COL19A1: variants seen among roughly 807,000 people sequenced by gnomAD.
COL19A1 encodes the protein collagen type XIX alpha 1 chain.
COL19A1 carries 159 observed loss-of-function variants against 190.2 expected under a neutral mutation model. The observed-to-expected ratio is 0.84, with a 90% CI of 0.73 to 0.95. The LOEUF (loss-of-function observed/expected upper bound fraction) is 0.95. Among genes scored for constraint, COL19A1 ranks in the 40% least tolerant of loss-of-function variants. The pLI, the probability that COL19A1 is intolerant of heterozygous loss-of-function variation, is 0.00. For synonymous variants in COL19A1, 509 were observed against 458.9 expected (o/e 1.11, Z -1.39); for missense variants, 1,418 against 1,431.9 (o/e 0.99, Z 0.16).
chr6:69,896,064 C>G (rs901162491), intron 2 of COL19A1, among the ~76,000 whole-genome samples: 1 of 152,060 alleles, frequency 6.6e-6, no homozygotes, highest in Non-Finnish European at 1.5e-5. Flanking sequence ...CTAAAGTGTA[C>G]TAATTTCCAT....
chr6:70,104,771 G>A (rs1783851588), intron 16 of COL19A1, among the ~76,000 whole-genome samples: 2 of 152,194 alleles, frequency 1.3e-5, no homozygotes, highest in African/African-American at 4.8e-5. Context: ...CTAAACCTAT[G>A]ATGCTGCTTT....
At chr6:70,114,118 T>G (rs1196318073) in intron 16 of COL19A1, among the ~76,000 whole-genome samples, 1 of 152,120 alleles carries the variant, frequency 6.6e-6, no homozygotes, top group East Asian at 1.9e-4. Context: ...CCCAAAGTGC[T>G]AGCATTGTGG....
intron 16 of COL19A1, among the ~76,000 whole-genome samples, chr6:70,111,442 C>A (rs539157310): frequency 1.2e-4 from 19 of 152,194 alleles, no homozygotes; most frequent in Non-Finnish European, 2.1e-4. Flanking sequence ...GTAGAAAGAC[C>A]CAAAGCAAAT....
intron 15 of COL19A1, among the ~76,000 whole-genome samples, chr6:70,081,474 C>T (rs1433534999): frequency 6.6e-6 from 1 of 151,930 alleles, no homozygotes; most frequent in African/African-American, 2.4e-5. Flanking sequence ...ACTTTGAAAG[C>T]CTTGTAGACT....
At chr6:70,134,614 T>A (rs1167528619) in intron 18 of COL19A1, among the ~76,000 whole-genome samples, 1 of 152,206 alleles carries the variant, frequency 6.6e-6, no homozygotes, top group Non-Finnish European at 1.5e-5. Context: ...ATATTTGTAC[T>A]GACAGGTCTG....
intron 36 of COL19A1, among the ~76,000 whole-genome samples, chr6:70,165,479 A>AT (rs1250637047): frequency 3.3e-5 from 5 of 152,126 alleles, no homozygotes; most frequent in Non-Finnish European, 5.9e-5. Context: ...ACAGGTTGTG[A>AT]TTTTTTTACT....
chr6:70,003,404 A>C (rs1164726506), intron 11 of COL19A1, among the ~76,000 whole-genome samples: 1 of 152,192 alleles, frequency 6.6e-6, no homozygotes, highest in Non-Finnish European at 1.5e-5. Flanking sequence ...TCCAGAGCTG[A>C]GTTCAAGTCC....
chr6:69,967,323 C>G (rs1775174315), intron 11 of COL19A1, among the ~76,000 whole-genome samples: 1 of 151,956 alleles, frequency 6.6e-6, no homozygotes, highest in Non-Finnish European at 1.5e-5. Flanking sequence ...TCTTGAGGGC[C>G]TCTTAAGTTT....
intron 2 of COL19A1, among the ~76,000 whole-genome samples, chr6:69,893,963 G>A (rs535160084): frequency 4.3e-5 from 6 of 139,460 alleles, no homozygotes; most frequent in African/African-American, 8.1e-5. Flanking sequence ...CACCACCCCC[G>A]CCCCCCACTT....
chr6:70,195,611 A>C (rs1275278641), intron 48 of COL19A1, among the ~76,000 whole-genome samples: 1 of 152,142 alleles, frequency 6.6e-6, no homozygotes, highest in African/African-American at 2.4e-5. Context: ...GTCTTTTGCT[A>C]GGGATGGGGA....
intron 11 of COL19A1, among the ~76,000 whole-genome samples, chr6:69,964,202 CAT>C (rs1030848426): frequency 3.3e-5 from 5 of 152,228 alleles, no homozygotes; most frequent in Admixed American, 1.3e-4. Flanking sequence ...ACAAAGTACA[CAT>C]GTTACAAACT....
At chr6:70,076,582 C>T (rs1781895838) in intron 15 of COL19A1, among the ~76,000 whole-genome samples, 1 of 152,144 alleles carries the variant, frequency 6.6e-6, no homozygotes, top group African/African-American at 2.4e-5. Flanking sequence ...GGGGGAGAGT[C>T]AGAACTGCTC....
rs1246574928 is a variant in COL19A1 at position 70,210,978 on chromosome 6, ACT to A, written c.*3708_*3709del. 4.6e-5 allele frequency among the ~76,000 whole-genome samples: 7 copies of A among 151,974 alleles called. No individual in the cohort carries two copies. The highest frequency in any genetic ancestry group is 8.8e-5 in the Non-Finnish European group (6 of 67,938). The stretch of plus-strand genomic sequence containing the variant: ...AACTAGTCATAACTGTTTATACACC[ACT>A]CTCATATTTTAGTGATCAATATGAA... On this transcript the variant is annotated 3_prime_UTR_variant, in exon 51 of 51. Transcript: ENST00000620364.
At chr6:70,068,554 C>T (rs1315895794) in intron 15 of COL19A1, 78 bp downstream of exon 15, 10 of 876,778 alleles carry the variant, frequency 1.1e-5, no homozygotes, top group Admixed American at 2.2e-5. Flanking sequence ...AAAATGAAAC[C>T]GAAATAGAGC....
chr6:69,869,994 A>AT (rs1460070764), intron 1 of COL19A1, among the ~76,000 whole-genome samples: 3 of 152,134 alleles, frequency 2.0e-5, no homozygotes, highest in Non-Finnish European at 2.9e-5. Context: ...CAATAGTACT[A>AT]TTTTTTTGTC....
chr6:69,932,420 C>T (rs1772836217), intron 6 of COL19A1, among the ~76,000 whole-genome samples: 1 of 142,206 alleles, frequency 7.0e-6, no homozygotes, highest in South Asian at 2.2e-4. Flanking sequence ...TACCTTTTCT[C>T]CAATTTTTTT....
At chr6:70,206,144 T>C (rs185924748) in intron 49 of COL19A1, among the ~76,000 whole-genome samples, 1 of 152,360 alleles carries the variant, frequency 6.6e-6, no homozygotes, top group East Asian at 1.9e-4. Context: ...TGGAATAAGA[T>C]CCGTATTCCT....
intron 11 of COL19A1, among the ~76,000 whole-genome samples, chr6:70,004,519 T>C (rs1777491121): frequency 6.6e-6 from 1 of 152,166 alleles, no homozygotes; most frequent in African/African-American, 2.4e-5. Context: ...CAATCAATCG[T>C]AGTTTGGTCT....
chr6:69,977,123 T>C (rs923584104), intron 11 of COL19A1, among the ~76,000 whole-genome samples: 1 of 152,190 alleles, frequency 6.6e-6, no homozygotes, highest in African/African-American at 2.4e-5. Flanking sequence ...CGTATGTTTA[T>C]TGCGGCACTA....
Sources: gnomAD v4.1 joint callset for allele counts (sites outside exome capture counted in the v4.1 genomes callset) on GRCh38, gnomAD v4.1.1 for gene constraint, MANE v1.5 for transcripts, NCBI Gene and HGNC (gene_info 2026-07-23, HGNC 2026-07-21) for gene names.